Variants in ATP8A2 observed in about 807,000 individuals in gnomAD.
The protein encoded by ATP8A2 is ATPase phospholipid transporting 8A2, also known as phospholipid-transporting ATPase IB.
A neutral mutation model predicts 165.6 loss-of-function variants in ATP8A2; 100 were observed. The observed-to-expected ratio is 0.60, with a 90% CI of 0.51 to 0.71. ATP8A2 has a LOEUF of 0.71. Among genes scored for constraint, ATP8A2 ranks in the 30% least tolerant of loss-of-function variants. The probability of loss-of-function intolerance (pLI) is 0.00; values close to 1 mark genes in which losing one functional copy is unlikely to be tolerated. For missense variants in ATP8A2, 1,227 were observed against 1,479.5 expected (o/e 0.83, Z 2.80); for synonymous variants, 543 against 548.8 (o/e 0.99, Z 0.15).
At chr13:25,458,046 G>C (rs1234017917) in intron 1 of ATP8A2, among the ~76,000 whole-genome samples, 1 of 152,152 alleles carries the variant, frequency 6.6e-6, no homozygotes, top group Non-Finnish European at 1.5e-5. Context: ...GAGAAACTGG[G>C]GCTATAGTTG....
intron 33 of ATP8A2, among the ~76,000 whole-genome samples, chr13:25,920,419 CCTAAGCTCGGCA>C (rs1383201961): frequency 6.6e-6 from 1 of 152,180 alleles, no homozygotes; most frequent in Non-Finnish European, 1.5e-5. Context: ...ACACACACAT[CCTAAGCTCGGCA>C]CTTGTGAAAA....
At chr13:25,401,733 C>T (rs73487538) in intron 1 of ATP8A2, among the ~76,000 whole-genome samples, 1,600 of 152,256 alleles carry the variant, frequency 0.011, 26 homozygotes, top group African/African-American at 0.036. Context: ...CACTATGCTT[C>T]TTCCTGCACA....
At chr13:25,610,192 G>A (rs1476947966) in intron 24 of ATP8A2, among the ~76,000 whole-genome samples, 1 of 152,044 alleles carries the variant, frequency 6.6e-6, no homozygotes, top group Non-Finnish European at 1.5e-5. Context: ...CTTTGCCTAA[G>A]GCAATGTCTA....
At chr13:25,464,440 T>G (rs2137494462) in intron 1 of ATP8A2, among the ~76,000 whole-genome samples, 1 of 90,526 alleles carries the variant, frequency 1.1e-5, no homozygotes, top group South Asian at 4.8e-4. Flanking sequence ...CTGCCTCATC[T>G]CTATCTAAAA....
chr13:25,956,642 C>T (rs1341220411), intron 33 of ATP8A2, among the ~76,000 whole-genome samples: 9 of 152,208 alleles, frequency 5.9e-5, no homozygotes, highest in Non-Finnish European at 2.9e-5. Flanking sequence ...AATGGAAAAA[C>T]ATTCCATGCT....
intron 2 of ATP8A2, among the ~76,000 whole-genome samples, chr13:25,473,724 G>T (rs960035933): frequency 6.6e-5 from 10 of 151,704 alleles, no homozygotes; most frequent in African/African-American, 2.4e-4. Flanking sequence ...TTATATTTCT[G>T]TAGATTTCCC....
intron 25 of ATP8A2, among the ~76,000 whole-genome samples, chr13:25,721,960 GC>G (rs1231570059): frequency 6.6e-6 from 1 of 152,100 alleles, no homozygotes; most frequent in African/African-American, 2.4e-5. Flanking sequence ...CTGGGTATAT[GC>G]CCAGGAGTGA....
chr13:25,773,618 T>G (rs892767072), intron 26 of ATP8A2, among the ~76,000 whole-genome samples: 5 of 152,202 alleles, frequency 3.3e-5, no homozygotes, highest in Admixed American at 6.5e-5. Flanking sequence ...CATAGCACTC[T>G]GGCCAGAGGG....
intron 24 of ATP8A2, among the ~76,000 whole-genome samples, chr13:25,599,183 G>C (rs2040316087): frequency 6.6e-6 from 1 of 152,174 alleles, no homozygotes; most frequent in Admixed American, 6.5e-5. Flanking sequence ...AAAGAGCCAA[G>C]GGGACCCTTA....
chr13:25,967,758 T>TAAAA (rs1955813304), intron 34 of ATP8A2, among the ~76,000 whole-genome samples: 1 of 152,206 alleles, frequency 6.6e-6, no homozygotes. Context: ...TGTTTCCAAC[T>TAAAA]GGTAGCTCAC....
intron 27 of ATP8A2, among the ~76,000 whole-genome samples, chr13:25,821,002 T>A (rs1219901455): frequency 3.9e-5 from 6 of 152,020 alleles, no homozygotes; most frequent in African/African-American, 1.4e-4. Context: ...ACAGGTCCAA[T>A]CATCTAATGA....
chr13:26,003,360 T>TC (rs59156678), intron 35 of ATP8A2, among the ~76,000 whole-genome samples: 149,485 of 151,840 alleles, frequency 0.98, 73,621 homozygotes, highest in East Asian at 1. Context: ...GGTCCTTTGT[T>TC]TTTTTTTTTA....
At chr13:25,627,171 G>A (rs1206930524) in intron 24 of ATP8A2, among the ~76,000 whole-genome samples, 1 of 152,130 alleles carries the variant, frequency 6.6e-6, no homozygotes, top group Admixed American at 6.5e-5. Flanking sequence ...GGATATGCCA[G>A]ACAGAGGAAA....
At chr13:25,691,258 G>C (rs1420892624) in intron 24 of ATP8A2, among the ~76,000 whole-genome samples, 2 of 152,196 alleles carry the variant, frequency 1.3e-5, no homozygotes, top group Non-Finnish European at 2.9e-5. Flanking sequence ...TCTGTATCTT[G>C]ATTGTGGCCG....
intron 25 of ATP8A2, among the ~76,000 whole-genome samples, chr13:25,745,701 A>G (rs2044016432): frequency 6.6e-6 from 1 of 152,212 alleles, no homozygotes; most frequent in Admixed American, 6.5e-5. Context: ...GTAGTATTTA[A>G]GGATTGAGAT....
At chr13:25,890,260 T>G (rs1308730375) in intron 33 of ATP8A2, among the ~76,000 whole-genome samples, 1 of 152,230 alleles carries the variant, frequency 6.6e-6, no homozygotes, top group Non-Finnish European at 1.5e-5. Context: ...TCCAAATATA[T>G]ATCTTTAGCA....
At chr13:25,738,463 A>G (rs988784613) in intron 25 of ATP8A2, among the ~76,000 whole-genome samples, 1 of 151,858 alleles carries the variant, frequency 6.6e-6, no homozygotes, top group Non-Finnish European at 1.5e-5. Flanking sequence ...ATGGCTGGGC[A>G]TGTGAACCCA....
chr13:25,743,088 G>A lies in ATP8A2; in HGVS notation c.2385-25958G>A, dbSNP rs2043951665. Among the ~76,000 whole-genome samples, 11 of 152,144 alleles carry A rather than the reference G, an allele frequency of 7.2e-5. No homozygotes were observed. In the South Asian group the frequency reaches 2.3e-3, roughly 32 times the overall value. Reference sequence around the variant, plus strand: ...AGGGTCATTTCAGATGTATTGAGATGAGGTCATTAGGGTGGACCTCATCTT... The same window carrying A: ...AGGGTCATTTCAGATGTATTGAGATAAGGTCATTAGGGTGGACCTCATCTT... On this transcript the variant is annotated intron_variant, in intron 25 of 36. Transcript: ENST00000381655.
intron 27 of ATP8A2, among the ~76,000 whole-genome samples, chr13:25,786,103 A>T (rs1566136942): frequency 6.6e-6 from 1 of 151,946 alleles, no homozygotes; most frequent in Non-Finnish European, 1.5e-5. Flanking sequence ...TGGACTTGGG[A>T]GTTTGTTGCC....
Sources: gnomAD v4.1 joint callset for allele counts (sites outside exome capture counted in the v4.1 genomes callset) on GRCh38, gnomAD v4.1.1 for gene constraint, MANE v1.5 for transcripts, NCBI Gene and HGNC (gene_info 2026-07-23, HGNC 2026-07-21) for gene names.